Variants in GRIP1 observed in about 807,000 individuals in gnomAD.
GRIP1 encodes glutamate receptor-interacting protein 1.
A neutral mutation model predicts 129.9 loss-of-function variants in GRIP1; 45 were observed. The ratio of observed to expected loss-of-function variants is 0.35; its 90% CI spans 0.27 to 0.44. The LOEUF (loss-of-function observed/expected upper bound fraction) is 0.44. Among genes scored for constraint, GRIP1 ranks in the 20% least tolerant of loss-of-function variants. The pLI is 1.00. For synonymous variants in GRIP1, 530 were observed against 520.8 expected (o/e 1.02, Z -0.24); for missense variants, 1,196 against 1,396.8 (o/e 0.86, Z 2.29).
chr12:66,950,137 A>G (rs1409532640), intron 1 of GRIP1, among the ~76,000 whole-genome samples: 1 of 152,154 alleles, frequency 6.6e-6, no homozygotes, highest in African/African-American at 2.4e-5. Context: ...ACTCCATCAA[A>G]TAATTATCAA....
At chr12:66,823,070 T>C (rs1356200290) in intron 1 of GRIP1, among the ~76,000 whole-genome samples, 1 of 152,194 alleles carries the variant, frequency 6.6e-6, no homozygotes, top group Non-Finnish European at 1.5e-5. Flanking sequence ...GACCTAGTAA[T>C]TAGTTCCAGC....
chr12:67,012,487 A>T (rs2042724694), intron 1 of GRIP1, among the ~76,000 whole-genome samples: 1 of 152,164 alleles, frequency 6.6e-6, no homozygotes, highest in Non-Finnish European at 1.5e-5. Flanking sequence ...TTCCAATCTT[A>T]GGTTTCTAAG....
intron 13 of GRIP1, among the ~76,000 whole-genome samples, chr12:66,435,482 G>A (rs1216499704): frequency 6.6e-6 from 1 of 152,184 alleles, no homozygotes; most frequent in Non-Finnish European, 1.5e-5. Context: ...GTGATTACAG[G>A]CGGAGCCACT....
At chr12:67,016,819 T>G (rs1483460720) in intron 1 of GRIP1, among the ~76,000 whole-genome samples, 1 of 152,170 alleles carries the variant, frequency 6.6e-6, no homozygotes. Flanking sequence ...CTTTACAATA[T>G]CCCTATAACA....
chr12:67,048,934 G>A (rs2135841611), intron 1 of GRIP1, among the ~76,000 whole-genome samples: 1 of 152,138 alleles, frequency 6.6e-6, no homozygotes, highest in South Asian at 2.1e-4. Flanking sequence ...TCTTAGGTAT[G>A]TCTTTATCAG....
chr12:66,933,158 A>G (rs2041427950), intron 1 of GRIP1, among the ~76,000 whole-genome samples: 1 of 152,174 alleles, frequency 6.6e-6, no homozygotes, highest in South Asian at 2.1e-4. Context: ...TGCTGATGTA[A>G]TGTAACTTCT....
At chr12:66,402,013 A>C (rs910647322) in intron 16 of GRIP1, among the ~76,000 whole-genome samples, 2 of 152,158 alleles carry the variant, frequency 1.3e-5, no homozygotes, top group Non-Finnish European at 2.9e-5. Context: ...CAAGGCCCAT[A>C]ATGACTTGGC....
intron 1 of GRIP1, among the ~76,000 whole-genome samples, chr12:66,743,440 C>A (rs1175534144): frequency 3.9e-5 from 6 of 151,954 alleles, no homozygotes; most frequent in Non-Finnish European, 1.5e-5. Flanking sequence ...AGGAGGAACC[C>A]TTTCAGAAGC....
intron 23 of GRIP1, among the ~76,000 whole-genome samples, chr12:66,363,199 CCATA>C (rs1565666345): frequency 0.047 from 1,656 of 35,328 alleles, 135 homozygotes; most frequent in Admixed American, 0.098. Context: ...GTGTGTGTGT[CCATA>C]TATATATATA....
At position 66,353,580 on chromosome 12, in the gene GRIP1, G is replaced by C; in HGVS notation, c.3013-17C>G. On this transcript the variant is annotated splice_polypyrimidine_tract_variant and intron_variant, in intron 23 of 24. Coordinates refer to ENST00000359742, the MANE Select transcript of GRIP1 (RefSeq NM_001366722.1). Reference sequence around the variant, plus strand: ...CAAGGTCACCTGAAGAGAGAAAATGGGATGTGAATATTTAGCTGGGGTGGA... The same window carrying C: ...CAAGGTCACCTGAAGAGAGAAAATGCGATGTGAATATTTAGCTGGGGTGGA... 1 of 1,612,750 alleles carries C rather than the reference G, an allele frequency of 6.2e-7. No individual in the cohort carries two copies. Among genetic ancestry groups the C allele is most frequent in the Admixed American group, 1.7e-5 (1 of 60,012 alleles).
chr12:66,369,553 A>T (rs1305730824), intron 23 of GRIP1, among the ~76,000 whole-genome samples: 1 of 152,068 alleles, frequency 6.6e-6, no homozygotes, highest in Non-Finnish European at 1.5e-5. Context: ...TCTGTTTTAT[A>T]CTTGCTATTT....
At chr12:66,427,434 TATTTTCAAGGGA>T (rs927813663) in intron 14 of GRIP1, among the ~76,000 whole-genome samples, 1 of 152,140 alleles carries the variant, frequency 6.6e-6, no homozygotes, top group African/African-American at 2.4e-5. Context: ...AAAAAAATAG[TATTTTCAAGGGA>T]AATTCCAGGC....
chr12:66,700,922 T>A (rs1019636148), intron 1 of GRIP1, among the ~76,000 whole-genome samples: 1 of 152,184 alleles, frequency 6.6e-6, no homozygotes, highest in African/African-American at 2.4e-5. Flanking sequence ...GGTCCTGCTA[T>A]GGGTCAGCCA....
intron 1 of GRIP1, among the ~76,000 whole-genome samples, chr12:67,066,567 T>C (rs1435096223): frequency 1.3e-5 from 2 of 152,186 alleles, no homozygotes; most frequent in Non-Finnish European, 2.9e-5. Flanking sequence ...AATAGTAAGA[T>C]ATTCGAAATT....
At chr12:66,706,676 C>T (rs1244347405) in intron 1 of GRIP1, among the ~76,000 whole-genome samples, 1 of 152,110 alleles carries the variant, frequency 6.6e-6, no homozygotes, top group Admixed American at 6.6e-5. Context: ...CCACGCAATA[C>T]TATGCAGCCA....
intron 1 of GRIP1, among the ~76,000 whole-genome samples, chr12:66,864,864 A>G (rs2040175335): frequency 1.3e-5 from 2 of 152,194 alleles, no homozygotes; most frequent in South Asian, 4.1e-4. Flanking sequence ...CTTGAAATAC[A>G]TAGTCCACTG....
chr12:66,718,592 T>A (rs2035963511), intron 1 of GRIP1, among the ~76,000 whole-genome samples: 1 of 152,142 alleles, frequency 6.6e-6, no homozygotes, highest in South Asian at 2.1e-4. Flanking sequence ...GGCTCATGCC[T>A]GTAATCCCAG....
At chr12:66,700,772 C>T (rs1012846137) in intron 1 of GRIP1, among the ~76,000 whole-genome samples, 1 of 152,074 alleles carries the variant, frequency 6.6e-6, no homozygotes, top group Non-Finnish European at 1.5e-5. Context: ...TATCAGGGAG[C>T]AACAAGACAG....
intron 1 of GRIP1, among the ~76,000 whole-genome samples, chr12:66,906,592 T>C (rs2040936838): frequency 6.6e-6 from 1 of 152,160 alleles, no homozygotes; most frequent in Non-Finnish European, 1.5e-5. Context: ...GATACTGGCC[T>C]CTCAAGCATA....
Sources: allele counts gnomAD v4.1 joint callset (sites outside exome capture counted in the v4.1 genomes callset), GRCh38; gene constraint gnomAD v4.1.1; transcripts MANE v1.5; gene names NCBI Gene and HGNC (gene_info 2026-07-23, HGNC 2026-07-21).